Variants in SUN1 observed in about 807,000 individuals in gnomAD.
SUN1 encodes Sad1 and UNC84 domain containing 1.
In SUN1, 61 loss-of-function variants were observed where a neutral mutation model predicts 103.2. The ratio of observed to expected loss-of-function variants is 0.59; its 90% CI spans 0.48 to 0.73. The LOEUF is 0.73. Ranked by LOEUF, SUN1 falls within the 30% of genes least tolerant of loss-of-function variation. The pLI is 0.00. For missense variants in SUN1, 1,052 were observed against 1,034.6 expected, an observed-to-expected ratio of 1.02 and a Z score of -0.23; for synonymous variants, 490 against 425.7, an observed-to-expected ratio of 1.15 and a Z score of -1.86.
chr7:827,222 A>G (rs1793031508), intron 1 of SUN1, among the ~76,000 whole-genome samples: 1 of 151,738 alleles, frequency 6.6e-6, no homozygotes, highest in Admixed American at 6.6e-5. Context: ...GGGTTTCACC[A>G]TATTGGCCAG....
intron 5 of SUN1, chr7:848,657 T>A (rs756203007): frequency 2.4e-6 from 3 of 1,274,502 alleles, no homozygotes; most frequent in Non-Finnish European, 3.1e-6. Context: ...CCAATCACAC[T>A]TTCGCAGTGG....
At position 869,215 on chromosome 7, in the gene SUN1, C is replaced by A. The variant is rs541431707; in HGVS notation, c.1981-134C>A. ...ACAAATGCCTTTCCCAGCTTATCTT[C>A]GGATTTTGCTCATGGCAGTTTCTAC... On this transcript the variant is annotated intron_variant, in intron 16 of 18. Coordinates refer to ENST00000401592, the MANE Select transcript of SUN1 (RefSeq NM_001130965.3). The A allele has an allele frequency of 2.8e-6, 3 of 1,080,892 alleles. No individual in the cohort carries two copies. In the South Asian group the frequency reaches 4.8e-5, roughly 17 times the overall value. The allele number at this position is 1,080,892 out of a possible 1,614,324, so 67.0% of individuals were successfully genotyped here.
chr7:873,142 A>G, intron 18 of SUN1, 73 bp from the exon 19 acceptor site: 3 of 1,358,266 alleles, frequency 2.2e-6, no homozygotes, highest in Non-Finnish European at 3.2e-6. Flanking sequence ...CAGACGTCAT[A>G]TTTGGGGAAG....
At chr7:861,116 T>C (rs1831876482) in intron 14 of SUN1, among the ~76,000 whole-genome samples, 1 of 152,036 alleles carries the variant, frequency 6.6e-6, no homozygotes, top group South Asian at 2.1e-4. Flanking sequence ...ATCTGGGGGA[T>C]TTTTCTGGTT....
intron 2 of SUN1, 190 bp from the exon 3 acceptor site, chr7:841,755 GT>G: frequency 1.8e-5 from 11 of 598,730 alleles, no homozygotes; most frequent in Non-Finnish European, 2.9e-5. Context: ...TTTAGAGGGA[GT>G]TCTTGGATCC....
At chr7:870,683 G>A (rs548627311) in intron 17 of SUN1, among the ~76,000 whole-genome samples, 64 of 146,858 alleles carry the variant, frequency 4.4e-4, no homozygotes, top group Non-Finnish European at 9.0e-4. Context: ...TCAATCCCCC[G>A]TGTTTATCTG....
chr7:853,647 T>A (rs1233265039), intron 10 of SUN1, 29 bp downstream of exon 10: 1 of 1,594,738 alleles, frequency 6.3e-7, no homozygotes, highest in Non-Finnish European at 8.5e-7. Flanking sequence ...CCAGGCTCCA[T>A]GGTGACACCA....
At chr7:852,476 T>C (rs1282383690) in intron 7 of SUN1, 133 bp from the exon 8 acceptor site, 5 of 1,030,872 alleles carry the variant, frequency 4.9e-6, no homozygotes, top group Non-Finnish European at 7.4e-6. Context: ...AGAAGCCTTG[T>C]AGATAAAACC....
At position 853,511 on chromosome 7, in the gene SUN1, C is replaced by G; in HGVS notation, c.1156C>G (p.Leu386Val). 6.2e-7 allele frequency: 1 copy of G among 1,613,920 alleles called. No homozygotes were observed. The highest frequency in any genetic ancestry group is 1.3e-5 in the African/African-American group (1 of 75,074). Residue 386 changes from leucine (L) to valine (V), a missense_variant, in exon 10 of 19, where the codon CTG becomes GTG. Physicochemically the swap from Leu to Val is conservative, Grantham distance 32 (BLOSUM62 1). Around this residue, in one of 2 missense-constraint regions of SUN1, gnomAD observed 846 missense variants for 774.5 expected, o/e 1.09. Transcript: ENST00000401592. ...CHHHGENLRE[L>V]TTLLQKLQAR... is the part of the protein sequence containing the mutation. Reference sequence around the variant, plus strand: ...CCACCATGGTGAGAATCTCCGAGAGCTGACCACTTTGCTACAGAAGCTGCA... The same window carrying G: ...CCACCATGGTGAGAATCTCCGAGAGGTGACCACTTTGCTACAGAAGCTGCA...
chr7:833,350 GCC>G (rs1799728583), intron 1 of SUN1: 1 of 145,846 alleles, frequency 6.9e-6, no homozygotes, highest in African/African-American at 2.5e-5. Flanking sequence ...TCTCACCGTC[GCC>G]CAGGCTAGAG....
Position 857,878 on chromosome 7 carries a change from T to C in SUN1, c.1445T>C (p.Leu482Pro). ...ACAGTCGAGCACCTCCAGCTGGAGC[T>C]GGATCAGCTAAAGTCAGAGCTGTCC... ...LPTVEHLQLE[L>P]DQLKSELSSW... Residue 482 changes from leucine to proline, a missense_variant, in exon 13 of 19, where the codon CTG becomes CCG. Transcript: ENST00000401592. 6.2e-7 allele frequency: 1 copy of C among 1,600,278 alleles called. No individual in the cohort carries two copies. Among genetic ancestry groups the C allele is most frequent in the Non-Finnish European group, 8.6e-7 (1 of 1,169,314 alleles).
At chr7:825,207 C>T (rs1321426573) in intron 1 of SUN1, among the ~76,000 whole-genome samples, 5 of 152,182 alleles carry the variant, frequency 3.3e-5, no homozygotes, top group Admixed American at 1.3e-4. Context: ...TACAGGCGCC[C>T]GCCACTGCGC....
At chr7:855,094 C>A in intron 11 of SUN1, 88 bp downstream of exon 11, 2 of 1,030,358 alleles carry the variant, frequency 1.9e-6, no homozygotes, top group South Asian at 1.5e-5. Flanking sequence ...ATTTAATGTT[C>A]CTCTTTTTAG....
Position 874,275 on chromosome 7 carries a change from C to G in SUN1, c.*944C>G, listed in dbSNP as rs1470546296. The stretch of plus-strand genomic sequence containing the variant: ...TTCCTTCAGCAGCATTTCTTACTGG[C>G]TGTGGCTGGAATCTGCCTTTTATCA... On this transcript the variant is annotated 3_prime_UTR_variant, in exon 19 of 19. Coordinates refer to ENST00000401592, the MANE Select transcript of SUN1 (RefSeq NM_001130965.3). 6.6e-6 allele frequency: 1 copy of G among 152,640 alleles called. No individual in the cohort carries two copies. Among genetic ancestry groups the G allele is most frequent in the Non-Finnish European group, 1.5e-5 (1 of 68,036 alleles). 9.5% of individuals were successfully genotyped at this position (152,640 alleles called of 1,614,324 possible).
intron 1 of SUN1, chr7:817,141 T>C (rs1285355445): frequency 4.8e-6 from 2 of 412,634 alleles, no homozygotes; most frequent in Non-Finnish European, 8.9e-6. Flanking sequence ...CGGTTTTATT[T>C]AAGAGGGGGG....
rs1806163895 is a variant in SUN1 at position 838,884 on chromosome 7, G to A, written c.164G>A (p.Ser55Asn). 6.2e-7 allele frequency: 1 copy of A among 1,608,842 alleles called. No individual in the cohort carries two copies. Among genetic ancestry groups the A allele is most frequent in the Non-Finnish European group, 8.5e-7 (1 of 1,178,034 alleles). ...VFDSPRMSRR[S>N]LRLATTACTL... ...GATTCTCCACGGATGTCCCGCCGTA[G>A]TTTGCGCCTGGCCACGACAGCATGC... The change falls in exon 2 of 19, where the codon AGT becomes AAT. Residue 55 changes from serine to asparagine, a missense_variant. Ser to Asn is a conservative substitution (Grantham distance 46). Around this residue, in one of 2 missense-constraint regions of SUN1, gnomAD observed 846 missense variants for 774.5 expected, o/e 1.09. Coordinates refer to ENST00000401592, the MANE Select transcript of SUN1 (RefSeq NM_001130965.3).
chr7:870,205 T>C (rs1252223849), intron 17 of SUN1, among the ~76,000 whole-genome samples: 1 of 137,200 alleles, frequency 7.3e-6, no homozygotes, highest in African/African-American at 2.7e-5. Context: ...ACCCTGTCTT[T>C]AAAAAAAAAA....
chr7:858,130 A>G (rs1012932276), intron 13 of SUN1, among the ~76,000 whole-genome samples, 173 bp downstream of exon 13: 3 of 152,216 alleles, frequency 2.0e-5, no homozygotes, highest in Non-Finnish European at 4.4e-5. Flanking sequence ...AGCTCACTGC[A>G]GGCCACCTCC....
rs181988140 is a variant in SUN1, at chr7:851,420, C to T, written c.695C>T (p.Ala232Val). 4.7e-5 allele frequency: 75 copies of T among 1,610,108 alleles called. No homozygotes were observed. The African/African-American group carries it at 7.1e-4, about 15-fold the overall frequency. Reference sequence around the variant, plus strand: ...CTGCAGATTCTGCGCAGGATCGGAGCTGTGGGCCAGGCTGTGTCCAGGACG... The same window carrying T: ...CTGCAGATTCTGCGCAGGATCGGAGTTGTGGGCCAGGCTGTGTCCAGGACG... ...FLLQILRRIG[A>V]VGQAVSRTAW... The change falls in exon 6 of 19, where the codon GCT (alanine) becomes GTT (valine). Residue 232 changes from alanine to valine, a missense_variant. By Grantham distance (64) the Ala-to-Val change is moderately conservative (BLOSUM62 0). This residue lies in a region of SUN1 where 846 missense variants were observed against 774.5 expected (regional missense o/e 1.09). Transcript: ENST00000401592.
Sources: gnomAD v4.1 joint callset for allele counts (sites outside exome capture counted in the v4.1 genomes callset) on GRCh38, gnomAD v4.1.1 for gene constraint, gnomAD v4.1.1 regional missense constraint, MANE v1.5 for transcripts, NCBI Gene and HGNC (gene_info 2026-07-23, HGNC 2026-07-21) for gene names.